Variants in BOP1 observed in about 807,000 individuals in gnomAD.
BOP1 encodes ribosome biogenesis protein BOP1.
BOP1 carries 54 observed loss-of-function variants against 82.9 expected under a neutral mutation model. The observed-to-expected ratio is 0.65, with a 90% CI of 0.52 to 0.82. BOP1 has a LOEUF of 0.82. Ranked by LOEUF, BOP1 falls within the 40% of genes least tolerant of loss-of-function variation. The probability of loss-of-function intolerance (pLI) is 0.00; values close to 1 mark genes in which losing one functional copy is unlikely to be tolerated. For missense variants in BOP1, 1,170 were observed against 1,072.0 expected, an observed-to-expected ratio of 1.09 and a Z score of -1.28; for synonymous variants, 566 against 451.1, an observed-to-expected ratio of 1.25 and a Z score of -3.23.
At chr8:144,267,116 G>C in intron 3 of BOP1, 1 of 1,465,522 alleles carries the variant, frequency 6.8e-7, no homozygotes, top group Non-Finnish European at 9.0e-7. Context: ...CCTCCCGCCC[G>C]CGACGGCGAG....
At chr8:144,283,124 G>A (rs954972769) in intron 2 of BOP1, among the ~76,000 whole-genome samples, 2 of 148,322 alleles carry the variant, frequency 1.3e-5, no homozygotes, top group South Asian at 4.3e-4. Flanking sequence ...CTTGAACCCA[G>A]GAGGCAGAAG....
Position 144,264,825 on chromosome 8 carries a change from G to A in BOP1, c.552C>T (p.Thr184=), listed in dbSNP as rs989501029. 1.1e-4 allele frequency: 170 copies of A among 1,609,204 alleles called. No individual in the cohort carries two copies. The East Asian group carries it at 1.8e-3, about 17-fold the overall frequency. Reference sequence around the variant, plus strand: ...CCCGCCCTGTCATCGGGTCCTGCACGGTGCGCCTGGAGACCGCCAGTCAGA... The same window carrying A: ...CCCGCCCTGTCATCGGGTCCTGCACAGTGCGCCTGGAGACCGCCAGTCAGA... ...DKMDDPDYWR[T]VQDPMTGRDL... The change falls in exon 5 of 16, where the codon ACC becomes ACT. Residue 184 remains threonine, a synonymous_variant. Transcript: ENST00000569669.
rs908179759 is a variant in BOP1, at chr8:144,276,288, G to C, written c.326C>G (p.Pro109Arg). Residue 109 changes from proline to arginine, a missense_variant, in exon 3 of 16, where the codon CCG (proline) becomes CGG (arginine). By Grantham distance (103) the Pro-to-Arg change is moderately radical. Coordinates refer to ENST00000569669, the MANE Select transcript of BOP1 (RefSeq NM_015201.5). ...EEQVQASTPC[P>R]RTEMASARIG... is the part of the protein sequence containing the mutation. Reference sequence around the variant, plus strand: ...CCGGGCGCTCGCCATCTCTGTCCTCGGGCAAGGAGTGCTGGCCTGCAGAGA... The same window carrying C: ...CCGGGCGCTCGCCATCTCTGTCCTCCGGCAAGGAGTGCTGGCCTGCAGAGA... The C allele has an allele frequency of 6.2e-7, 1 of 1,613,440 alleles. No homozygotes were observed. The highest frequency in any genetic ancestry group is 8.5e-7 in the Non-Finnish European group (1 of 1,179,822).
intron 2 of BOP1, among the ~76,000 whole-genome samples, chr8:144,281,033 A>ATACCATGTCTTCGGCCTTCTCTCACTTTC (rs1845664992): frequency 1.9e-5 from 1 of 52,640 alleles, no homozygotes; most frequent in Non-Finnish European, 3.9e-5. Context: ...CTCTCACTTT[A>ATACCATGTCTTCGGCCTTCTCTCACTTTC]ATACCAGGTC....
chr8:144,262,803 G>GCCCCCCCCCCCCCCCC, intron 13 of BOP1, 50 bp downstream of exon 13: 1 of 424,946 alleles, frequency 2.4e-6, no homozygotes, highest in African/African-American at 6.6e-5. Context: ...AGGGTACACC[G>GCCCCCCCCCCCCCCCC]CCCCCCCCCC....
intron 2 of BOP1, among the ~76,000 whole-genome samples, chr8:144,287,389 G>A (rs1298043628): frequency 6.6e-6 from 1 of 152,238 alleles, no homozygotes; most frequent in Non-Finnish European, 1.5e-5. Context: ...CCAGAAAGAT[G>A]TACACCAGAC....
chr8:144,290,400 G>A (rs1554840010), intron 1 of BOP1, among the ~76,000 whole-genome samples: 1 of 151,930 alleles, frequency 6.6e-6, no homozygotes, highest in Admixed American at 6.6e-5. Context: ...GCAGTTGAAT[G>A]CAGAATTCTA....
At chr8:144,278,549 G>A (rs370448556) in intron 2 of BOP1, among the ~76,000 whole-genome samples, 42 of 152,344 alleles carry the variant, frequency 2.8e-4, no homozygotes, top group East Asian at 2.3e-3. Flanking sequence ...GCGGTGTCCC[G>A]GTTCGGTGGG....
At position 144,263,285 on chromosome 8, in the gene BOP1, C is replaced by G; in HGVS notation, c.1541G>C (p.Arg514Pro). ...CTCCTCCTCTGAGGCCTCCAGCCAGCGGGCCGGCTGCAAGGGGGGCTCCTC... is the reference window on the plus strand; with the variant it reads ...CTCCTCCTCTGAGGCCTCCAGCCAGGGGGCCGGCTGCAAGGGGGGCTCCTC... ...PPEEPPLQPA[R>P]WLEASEEERQ... The change falls in exon 12 of 16, where the codon CGC becomes CCC. Residue 514 changes from arginine (R) to proline (P), a missense_variant. Coordinates refer to ENST00000569669, the MANE Select transcript of BOP1 (RefSeq NM_015201.5). 3 of 1,594,210 alleles carry G rather than the reference C, an allele frequency of 1.9e-6. No individual in the cohort carries two copies. Among genetic ancestry groups the G allele is most frequent in the South Asian group, 2.2e-5 (2 of 90,654 alleles).
intron 3 of BOP1, among the ~76,000 whole-genome samples, chr8:144,274,954 C>CCCCCCGCT (rs1845546414): frequency 6.6e-6 from 1 of 152,188 alleles, no homozygotes. Context: ...GCGGCGTGGC[C>CCCCCCGCT]CCCCCGCTCT....
At chr8:144,277,595 T>C (rs1270902249) in intron 2 of BOP1, among the ~76,000 whole-genome samples, 1 of 152,238 alleles carries the variant, frequency 6.6e-6, no homozygotes. Context: ...ACAAAAGACT[T>C]GTCACCCAGC....
chr8:144,263,251 C>T lies in BOP1; in HGVS notation c.1575G>A (p.Val525=). Reference sequence around the variant, plus strand: ...CGTGGCAGATGCGCAGCCGCAGGCCCACTTGGCGCTCCTCCTCTGAGGCCT... The same window carrying T: ...CGTGGCAGATGCGCAGCCGCAGGCCTACTTGGCGCTCCTCCTCTGAGGCCT... The part of the protein sequence containing the change: ...WLEASEEERQ[V]GLRLRICHGK... Residue 525 remains valine (V), a synonymous_variant, in exon 12 of 16, where the codon GTG becomes GTA. Transcript: ENST00000569669. 6.3e-7 allele frequency: 1 copy of T among 1,595,030 alleles called. No homozygotes were observed. Among genetic ancestry groups the T allele is most frequent in the Non-Finnish European group, 8.5e-7 (1 of 1,179,278 alleles).
Position 144,264,329 on chromosome 8 carries a change from C to CGGCGTTGGGGTCCTCCTG in BOP1, c.856_873dup (p.Gln286_Ala291dup). 5.0e-6 allele frequency: 8 copies of CGGCGTTGGGGTCCTCCTG among 1,609,578 alleles called. No individual in the cohort carries two copies. In the South Asian group the frequency reaches 8.8e-5, roughly 18 times the overall value. On this transcript the variant is annotated inframe_insertion, in exon 7 of 16. Coordinates refer to ENST00000569669, the MANE Select transcript of BOP1 (RefSeq NM_015201.5). ...ACGTGCATCTTGTGGCGCCCGAGCA[C>CGGCGTTGGGGTCCTCCTG]GGCGTTGGGGTCCTCCTGGGCCCAC...
intron 3 of BOP1, chr8:144,268,374 G>A (rs1188549856): frequency 5.0e-6 from 3 of 600,402 alleles, no homozygotes; most frequent in East Asian, 5.6e-5. Context: ...GGAACTTTCT[G>A]CGCTGGCTTT....
At position 144,263,595 on chromosome 8, in the gene BOP1, G is replaced by A; in HGVS notation, c.1307C>T (p.Ser436Phe). ...AGTGGCCACCTCCCAGAGCCGCAGG[G>A]AGCCGTCGTCAGAGCCTGGATGCGG... The part of the protein sequence containing the change: ...QWLVSGSDDG[S>F]LRLWEVATAR... Residue 436 changes from serine to phenylalanine, a missense_variant, in exon 11 of 16, where the codon TCC becomes TTC. Coordinates refer to ENST00000569669, the MANE Select transcript of BOP1 (RefSeq NM_015201.5). 1.2e-6 allele frequency: 2 copies of A among 1,606,316 alleles called. No individual in the cohort carries two copies. Among genetic ancestry groups the A allele is most frequent in the African/African-American group, 1.3e-5 (1 of 74,986 alleles).
chr8:144,264,140 G>A lies in BOP1; in HGVS notation c.981C>T (p.Arg327=). Residue 327 remains arginine, a splice_region_variant and synonymous_variant, in exon 8 of 16, where the codon CGC becomes CGT. Transcript: ENST00000569669. Reference sequence around the variant, plus strand: ...CTGGCTCCTGCTGTTCCCACGCCAAGCGCTGTGGAGACCAAGACACAGGGG... The same window carrying A: ...CTGGCTCCTGCTGTTCCCACGCCAAACGCTGTGGAGACCAAGACACAGGGG... ...PPEYLLSEEE[R]LAWEQQEPGE... is the part of the protein sequence containing the mutation. 6.2e-7 allele frequency: 1 copy of A among 1,610,858 alleles called. No individual in the cohort carries two copies. The highest frequency in any genetic ancestry group is 2.2e-5 in the East Asian group (1 of 44,860).
chr8:144,267,087 CCCG>C, intron 3 of BOP1: 6 of 1,367,486 alleles, frequency 4.4e-6, no homozygotes, highest in Non-Finnish European at 5.6e-6. Flanking sequence ...CCGGCAGCCC[CCCG>C]CCGCCGCCCC....
chr8:144,266,394 G>A (rs1226143726), intron 3 of BOP1, among the ~76,000 whole-genome samples: 8 of 151,898 alleles, frequency 5.3e-5, no homozygotes, highest in Non-Finnish European at 8.8e-5. Flanking sequence ...GAGGGGCGGG[G>A]CGTGCGCGGG....
chr8:144,276,278 C>T lies in BOP1; in HGVS notation c.336G>A (p.Glu112=). 5.6e-6 allele frequency: 9 copies of T among 1,613,634 alleles called. No homozygotes were observed. Among genetic ancestry groups the T allele is most frequent in the Admixed American group, 3.3e-5 (2 of 60,020 alleles). ...CATCCCCAATCCGGGCGCTCGCCAT[C>T]TCTGTCCTCGGGCAAGGAGTGCTGG... ...VQASTPCPRT[E]MASARIGDEY... is the part of the protein sequence containing the mutation. Residue 112 remains glutamate (E), a synonymous_variant, in exon 3 of 16, where the codon GAG becomes GAA. Coordinates refer to ENST00000569669, the MANE Select transcript of BOP1 (RefSeq NM_015201.5).
Sources: allele counts gnomAD v4.1 joint callset (sites outside exome capture counted in the v4.1 genomes callset), GRCh38; gene constraint gnomAD v4.1.1; transcripts MANE v1.5; gene names NCBI Gene and HGNC (gene_info 2026-07-23, HGNC 2026-07-21).